The following PHTF1 variants were observed in gnomAD, a reference collection of about 807,000 sequenced individuals.
PHTF1 encodes the protein protein PHTF1.
In PHTF1, 88 loss-of-function variants were observed where a neutral mutation model predicts 102.4. That is an observed-to-expected ratio of 0.86 (90% CI 0.72 to 1.03). The LOEUF is 1.03. PHTF1 is among the 50% of genes least tolerant of loss of function. The pLI, the probability that PHTF1 is intolerant of heterozygous loss-of-function variation, is 0.00. For missense variants in PHTF1, 814 were observed against 909.5 expected (o/e 0.89, Z 1.35); for synonymous variants, 289 against 305.2 (o/e 0.95, Z 0.55).
At chr1:113,702,075 T>A (rs1447415483) in intron 15 of PHTF1, among the ~76,000 whole-genome samples, 1 of 151,998 alleles carries the variant, frequency 6.6e-6, no homozygotes, top group Non-Finnish European at 1.5e-5. Flanking sequence ...CAATAATAAT[T>A]ACATCTTGCG....
chr1:113,719,592 G>C lies in PHTF1; in HGVS notation c.623+5167C>G, dbSNP rs372966986. On this transcript the variant is annotated intron_variant, in intron 7 of 18. Transcript: ENST00000369604. Reference sequence around the variant, plus strand: ...CTCATCTCCATCTGTTACCACCTCAGCCTAGACCTTATTGTTCATATCACT... The same window carrying C: ...CTCATCTCCATCTGTTACCACCTCACCCTAGACCTTATTGTTCATATCACT... 1.9e-4 allele frequency among the ~76,000 whole-genome samples: 29 copies of C among 152,260 alleles called. No individual in the cohort carries two copies. In the East Asian group the frequency reaches 2.1e-3, roughly 11 times the overall value.
chr1:113,711,527 T>C (rs1651090266), intron 10 of PHTF1, among the ~76,000 whole-genome samples: 1 of 152,206 alleles, frequency 6.6e-6, no homozygotes, highest in African/African-American at 2.4e-5. Context: ...CTGCTGGGCA[T>C]CATCTGTGAT....
chr1:113,697,641 C>A lies in PHTF1; in HGVS notation c.*64G>T. On this transcript the variant is annotated 3_prime_UTR_variant, in exon 19 of 19. Transcript: ENST00000369604. ...TGGGTATCTCACTGGTTTCTGCAGT[C>A]ATCACTTTCCTTGATAGGTAAGTTT... The A allele has an allele frequency of 2.5e-6, 3 of 1,189,336 alleles. No homozygotes were observed. The South Asian group carries it at 3.7e-5, about 15-fold the overall frequency. The allele number at this position is 1,189,336 out of a possible 1,614,324, so 73.7% of individuals were successfully genotyped here.
At chr1:113,715,648 CAA>C (rs60517410) in intron 7 of PHTF1, among the ~76,000 whole-genome samples, 39 of 24,954 alleles carry the variant, frequency 1.6e-3, no homozygotes, top group African/African-American at 4.0e-3. Context: ...AACCCTGTCT[CAA>C]AAAAAAAAAA....
intron 2 of PHTF1, 39 bp downstream of exon 2, chr1:113,758,620 G>T: frequency 7.9e-7 from 1 of 1,258,650 alleles, no homozygotes; most frequent in Non-Finnish European, 1.1e-6. Context: ...TTTGCAGGAA[G>T]AATGCTTTAC....
intron 11 of PHTF1, among the ~76,000 whole-genome samples, chr1:113,707,328 A>G (rs1236180878): frequency 3.3e-5 from 5 of 152,168 alleles, no homozygotes; most frequent in African/African-American, 1.2e-4. Context: ...AGACAGTCAC[A>G]ATGAAAACAG....
intron 7 of PHTF1, among the ~76,000 whole-genome samples, chr1:113,716,999 A>G (rs919225887): frequency 2.6e-5 from 4 of 152,164 alleles, no homozygotes; most frequent in African/African-American, 9.7e-5. Flanking sequence ...AAAGAATACA[A>G]CATTTCAAGA....
At chr1:113,718,864 G>A (rs937427169) in intron 7 of PHTF1, among the ~76,000 whole-genome samples, 2 of 152,180 alleles carry the variant, frequency 1.3e-5, no homozygotes, top group African/African-American at 4.8e-5. Context: ...TGAAGGGAGG[G>A]GCTGCCATGA....
chr1:113,713,620 C>A, intron 7 of PHTF1, 182 bp from the exon 8 acceptor site: 1 of 548,020 alleles, frequency 1.8e-6, no homozygotes, highest in Non-Finnish European at 3.2e-6. Context: ...CTCACAGACT[C>A]AGAATGTGAG....
chr1:113,725,485 T>C (rs914190976), intron 6 of PHTF1: 2 of 152,214 alleles, frequency 1.3e-5, no homozygotes, highest in African/African-American at 4.8e-5. Context: ...AAAATTCTTA[T>C]TTAGTAATTG....
At position 113,758,735 on chromosome 1, in the gene PHTF1, T is replaced by C; in HGVS notation, c.-30-2A>G. ...CTCCAGCCAGAGAATGGGATTTCAC[T>C]GAAAATGAAGGAAAACCAATCGGTG... is the stretch of plus-strand genomic sequence containing the variant. On this transcript the variant is annotated splice_acceptor_variant, in intron 1 of 18. Transcript: ENST00000369604. LOFTEE classifies it low-confidence loss of function (5UTR_SPLICE). The C allele has an allele frequency of 6.2e-7, 1 of 1,605,472 alleles. No individual in the cohort carries two copies. The highest frequency in any genetic ancestry group is 8.5e-7 in the Non-Finnish European group (1 of 1,176,240).
At chr1:113,733,107 G>A (rs1363926333) in intron 5 of PHTF1, among the ~76,000 whole-genome samples, 2 of 103,500 alleles carry the variant, frequency 1.9e-5, no homozygotes, top group Middle Eastern at 0.013. Context: ...ATCTCGCTAT[G>A]TTTCCCAGGC....
At position 113,710,421 on chromosome 1, in the gene PHTF1, C is replaced by T; in HGVS notation, c.1102G>A (p.Asp368Asn). The T allele has an allele frequency of 6.2e-7, 1 of 1,614,078 alleles. No homozygotes were observed. Among genetic ancestry groups the T allele is most frequent in the East Asian group, 2.2e-5 (1 of 44,874 alleles). The change falls in exon 11 of 19, where the codon GAC becomes AAC. Residue 368 changes from aspartate to asparagine, a missense_variant. Coordinates refer to ENST00000369604, the MANE Select transcript of PHTF1 (RefSeq NM_001323043.2). Reference sequence around the variant, plus strand: ...GAGTCATGGCGGGTGCTTTCTGAGTCTCTTCTTGACATGTTGAGGCTTCGA... The same window carrying T: ...GAGTCATGGCGGGTGCTTTCTGAGTTTCTTCTTGACATGTTGAGGCTTCGA... ...GSRSLNMSRRDSESTRHDSET... is the reference protein window; with the variant it reads ...GSRSLNMSRRNSESTRHDSET...
At chr1:113,709,034 C>T (rs1214514798) in intron 11 of PHTF1, among the ~76,000 whole-genome samples, 6 of 152,060 alleles carry the variant, frequency 3.9e-5, no homozygotes, top group Non-Finnish European at 1.5e-5. Context: ...GGTGGGAGGA[C>T]TGTTTGAACC....
chr1:113,713,617 A>C (rs1651512596), intron 7 of PHTF1, 179 bp from the exon 8 acceptor site: 1 of 552,796 alleles, frequency 1.8e-6, no homozygotes, highest in Non-Finnish European at 3.2e-6. Flanking sequence ...TCACTCACAG[A>C]CTCAGAATGT....
intron 17 of PHTF1, chr1:113,698,764 G>A (rs1239921988): frequency 5.0e-6 from 1 of 201,870 alleles, no homozygotes. Context: ...CATCAGGTCA[G>A]CATTTTGAAT....
intron 3 of PHTF1, among the ~76,000 whole-genome samples, chr1:113,752,530 A>AGCTGGGACTATAGGC (rs71090730): frequency 1.6e-4 from 24 of 149,206 alleles, no homozygotes; most frequent in Admixed American, 3.3e-4. Context: ...CCTCCCCAGT[A>AGCTGGGACTATAGGC]GCCTGCAACC....
At chr1:113,750,979 G>C (rs899945525) in intron 3 of PHTF1, among the ~76,000 whole-genome samples, 1 of 151,788 alleles carries the variant, frequency 6.6e-6, no homozygotes, top group African/African-American at 2.4e-5. Context: ...AAAAATTTTA[G>C]GGCTGGGTGT....
chr1:113,721,622 C>CA (rs1037548969), intron 7 of PHTF1, among the ~76,000 whole-genome samples: 2 of 152,078 alleles, frequency 1.3e-5, no homozygotes, highest in African/African-American at 2.4e-5. Flanking sequence ...CAGATTCCAC[C>CA]AAAAAACTAT....
Sources: allele counts gnomAD v4.1 joint callset (sites outside exome capture counted in the v4.1 genomes callset), GRCh38; gene constraint gnomAD v4.1.1; transcripts MANE v1.5; gene names NCBI Gene and HGNC (gene_info 2026-07-23, HGNC 2026-07-21).